The following TENM3 variants were observed in gnomAD, a reference collection of about 807,000 sequenced individuals.
The protein encoded by TENM3 is teneurin-3.
A neutral mutation model predicts 255.1 loss-of-function variants in TENM3; 63 were observed. That is an observed-to-expected ratio of 0.25 (90% CI 0.20 to 0.30). The LOEUF (loss-of-function observed/expected upper bound fraction) is 0.30, where lower values mean the gene tolerates loss of function less well. TENM3 is among the 10% of genes least tolerant of loss of function. The probability of loss-of-function intolerance (pLI) is 1.00; values close to 1 mark genes in which losing one functional copy is unlikely to be tolerated. For synonymous variants in TENM3, 1,306 were observed against 1,322.3 expected, an observed-to-expected ratio of 0.99 and a Z score of 0.27; for missense variants, 2,929 against 3,461.1, an observed-to-expected ratio of 0.85 and a Z score of 3.86.
At chr4:181,604,800 C>T in the TENM3 span, among the ~76,000 whole-genome samples, 1 of 152,294 alleles carries the variant, frequency 6.6e-6, no homozygotes, top group African/African-American at 2.4e-5. Context: ...AGAGGTAGCA[C>T]AGAATCAGGC....
chr4:181,580,106 T>C, the TENM3 span, among the ~76,000 whole-genome samples: 14 of 152,032 alleles, frequency 9.2e-5, no homozygotes, highest in African/African-American at 2.9e-4. Context: ...CAAGCAATTC[T>C]CCTGCCTCAG....
intron 1 of TENM3, among the ~76,000 whole-genome samples, chr4:182,191,798 C>T (rs1484085594): frequency 6.6e-6 from 1 of 152,056 alleles, no homozygotes; most frequent in Non-Finnish European, 1.5e-5. Context: ...CAGTGTTGTA[C>T]GTGAAATAAC....
rs150382912 is a variant in TENM3, at chr4:182,562,909, T to G, written c.512-38015T>G. On this transcript the variant is annotated intron_variant, in intron 3 of 27. Coordinates refer to ENST00000511685, the MANE Select transcript of TENM3 (RefSeq NM_001080477.4). ...AGTACTCAGAAATTCTTTGCCAGCC[T>G]CATTGTTTCTAGCATAAGTCCAAAC... 4.2e-3 allele frequency among the ~76,000 whole-genome samples: 647 copies of G among 152,286 alleles called. 3 individuals are homozygous for G. The highest frequency in any genetic ancestry group is 6.4e-3 in the Non-Finnish European group (435 of 68,018).
chr4:181,940,420 T>C, the TENM3 span, among the ~76,000 whole-genome samples: 4 of 152,188 alleles, frequency 2.6e-5, no homozygotes, highest in Non-Finnish European at 5.9e-5. Context: ...GAGTATTTAC[T>C]ACGCATTGAA....
At chr4:182,257,765 G>A (rs1229157595) in intron 1 of TENM3, among the ~76,000 whole-genome samples, 1 of 152,082 alleles carries the variant, frequency 6.6e-6, no homozygotes, top group Admixed American at 6.6e-5. Flanking sequence ...GAGAAATGTC[G>A]ATTCAGAGAA....
chr4:181,496,389 C>A, the TENM3 span, among the ~76,000 whole-genome samples: 37,536 of 151,572 alleles, frequency 0.25, 4,347 homozygotes, highest in Middle Eastern at 0.32. Flanking sequence ...ATGTTTTATT[C>A]TGAACATTCT....
chr4:182,105,540 G>A, the TENM3 span, among the ~76,000 whole-genome samples: 1 of 152,132 alleles, frequency 6.6e-6, no homozygotes, highest in Non-Finnish European at 1.5e-5. Flanking sequence ...GCGGGGAAAG[G>A]ATACAGATCA....
At position 182,321,353 on chromosome 4, in the gene TENM3, C is replaced by T. The variant is rs562244809; in HGVS notation, c.-75-2593C>T. Among the ~76,000 whole-genome samples, 239 of 152,256 alleles carry T rather than the reference C, an allele frequency of 1.6e-3. 1 individual carries two copies. The highest frequency in any genetic ancestry group is 2.7e-3 in the Non-Finnish European group (187 of 68,026). ...TAAAATAACTTCTTGGGGCCGGGCG[C>T]GGTGGCTCACTCCTGTAATCCCAGC... On this transcript the variant is annotated intron_variant, in intron 1 of 27. Coordinates refer to ENST00000511685, the MANE Select transcript of TENM3 (RefSeq NM_001080477.4).
At chr4:182,569,332 A>T (rs769552745) in intron 3 of TENM3, among the ~76,000 whole-genome samples, 1 of 152,174 alleles carries the variant, frequency 6.6e-6, no homozygotes, top group Non-Finnish European at 1.5e-5. Context: ...AGGCAGGCAG[A>T]TCACTTGAGG....
At chr4:182,250,122 G>A (rs780331241) in intron 1 of TENM3, among the ~76,000 whole-genome samples, 2 of 149,366 alleles carry the variant, frequency 1.3e-5, no homozygotes, top group Non-Finnish European at 3.0e-5. Flanking sequence ...GTGCGATCTG[G>A]GCTCACTGCA....
chr4:182,443,672 C>T lies in TENM3; in HGVS notation c.511+96743C>T, dbSNP rs547492135. Among the ~76,000 whole-genome samples the T allele has an allele frequency of 3.3e-5, 5 of 152,248 alleles. No individual in the cohort carries two copies. The East Asian group carries it at 5.8e-4, about 18-fold the overall frequency. On this transcript the variant is annotated intron_variant, in intron 3 of 27. Coordinates refer to ENST00000511685, the MANE Select transcript of TENM3 (RefSeq NM_001080477.4). Reference sequence around the variant, plus strand: ...CAGGACTGAAGCTCACTAAGCCTTTCGTATACAGCACATTGCTTGACTGCC... The same window carrying T: ...CAGGACTGAAGCTCACTAAGCCTTTTGTATACAGCACATTGCTTGACTGCC...
chr4:181,794,104 A>T, the TENM3 span, among the ~76,000 whole-genome samples: 1 of 152,170 alleles, frequency 6.6e-6, no homozygotes, highest in Admixed American at 6.5e-5. Context: ...TAGTTTACAT[A>T]TCTTAAGTCA....
the TENM3 span, among the ~76,000 whole-genome samples, chr4:182,044,544 C>T: frequency 6.6e-6 from 1 of 152,184 alleles, no homozygotes; most frequent in Non-Finnish European, 1.5e-5. Context: ...AAAGATCACA[C>T]AATTTCCATG....
the TENM3 span, among the ~76,000 whole-genome samples, chr4:181,709,113 G>A: frequency 6.6e-6 from 1 of 152,190 alleles, no homozygotes; most frequent in African/African-American, 2.4e-5. Flanking sequence ...CTAACGGAAA[G>A]CTGTGTTTCC....
chr4:181,531,651 T>C, the TENM3 span, among the ~76,000 whole-genome samples: 3 of 152,102 alleles, frequency 2.0e-5, no homozygotes, highest in Non-Finnish European at 1.5e-5. Flanking sequence ...TTCAGTATAA[T>C]GGAGAAGAAA....
chr4:181,745,877 T>C, the TENM3 span, among the ~76,000 whole-genome samples: 2 of 152,156 alleles, frequency 1.3e-5, no homozygotes, highest in African/African-American at 4.8e-5. Context: ...TGTTGTGTAG[T>C]TTTCTTCAGG....
chr4:181,466,113 T>TA, the TENM3 span, among the ~76,000 whole-genome samples: 1 of 24,160 alleles, frequency 4.1e-5, no homozygotes, highest in East Asian at 3.7e-4. Flanking sequence ...TCCAGGAATT[T>TA]TTTTTTTTGT....
At chr4:182,392,358 C>T (rs1580393402) in intron 3 of TENM3, among the ~76,000 whole-genome samples, 1 of 152,326 alleles carries the variant, frequency 6.6e-6, no homozygotes, top group East Asian at 1.9e-4. Flanking sequence ...CACCATCTTT[C>T]ACTTTACCAC....
chr4:182,067,591 A>G, the TENM3 span, among the ~76,000 whole-genome samples: 549 of 152,318 alleles, frequency 3.6e-3, 2 homozygotes, highest in Non-Finnish European at 6.0e-3. Flanking sequence ...GGAGCTGCAA[A>G]GGATAGAGGA....
Sources: gnomAD v4.1 joint callset for allele counts (sites outside exome capture counted in the v4.1 genomes callset) on GRCh38, gnomAD v4.1.1 for gene constraint, MANE v1.5 for transcripts, NCBI Gene and HGNC (gene_info 2026-07-23, HGNC 2026-07-21) for gene names.